Variants in ETNK1 observed in about 807,000 individuals in gnomAD.
ETNK1 encodes the protein putative protein product of Nbla10396.
In ETNK1, 8 loss-of-function variants were observed where a neutral mutation model predicts 45.1. The ratio of observed to expected loss-of-function variants is 0.18; its 90% confidence interval spans 0.10 to 0.32. The LOEUF (loss-of-function observed/expected upper bound fraction) is 0.32. Among genes scored for constraint, ETNK1 ranks in the 10% least tolerant of loss-of-function variants. The pLI, the probability that ETNK1 is intolerant of heterozygous loss-of-function variation, is 1.00. For synonymous variants in ETNK1, 152 were observed against 151.9 expected, an observed-to-expected ratio of 1.00 and a Z score of -0.01; for missense variants, 302 against 430.6, an observed-to-expected ratio of 0.70 and a Z score of 2.64.
rs1274349775 is a variant in ETNK1, at chr12:22,686,821, A to G, written c.*1867A>G. 1 of 150,918 alleles carries G rather than the reference A, an allele frequency of 6.6e-6. No homozygotes were observed. The highest frequency in any genetic ancestry group is 6.6e-5 in the Admixed American group (1 of 15,116). 9.3% of individuals were successfully genotyped at this position (150,918 alleles called of 1,614,324 possible). On this transcript the variant is annotated 3_prime_UTR_variant, in exon 8 of 8. Transcript: ENST00000266517. Reference sequence around the variant, plus strand: ...TTGTCTGTGGTTAGAACATTTTCATAAAACAGATAAAGAATGTGTAATACT... The same window carrying G: ...TTGTCTGTGGTTAGAACATTTTCATGAAACAGATAAAGAATGTGTAATACT...
intron 6 of ETNK1, among the ~76,000 whole-genome samples, chr12:22,676,333 T>G (rs1954161694): frequency 6.6e-6 from 1 of 152,190 alleles, no homozygotes; most frequent in African/African-American, 2.4e-5. Flanking sequence ...GCAAAGGACA[T>G]GAACTCATCG....
chr12:22,683,790 C>G (rs1954235200), intron 6 of ETNK1, among the ~76,000 whole-genome samples: 1 of 152,066 alleles, frequency 6.6e-6, no homozygotes, highest in Non-Finnish European at 1.5e-5. Context: ...ACTGTTTCTA[C>G]TTAGAATATT....
intron 2 of ETNK1, among the ~76,000 whole-genome samples, chr12:22,645,095 G>T (rs1332395185): frequency 1.3e-5 from 2 of 151,808 alleles, no homozygotes; most frequent in African/African-American, 4.8e-5. Context: ...TGTATTAAAA[G>T]ATTCTGATTA....
intron 1 of ETNK1, chr12:22,625,797 A>C (rs1208769246): frequency 1.3e-6 from 1 of 772,752 alleles, no homozygotes; most frequent in Non-Finnish European, 2.2e-6. Flanking sequence ...GACCTGAGGC[A>C]CATTTTCTCT....
chr12:22,647,068 C>G (rs1200032959), intron 2 of ETNK1, among the ~76,000 whole-genome samples: 1 of 151,742 alleles, frequency 6.6e-6, no homozygotes, highest in Non-Finnish European at 1.5e-5. Flanking sequence ...TAGTGCCTGA[C>G]GGGTAATTCC....
chr12:22,629,731 A>C (rs1415791080), intron 1 of ETNK1, among the ~76,000 whole-genome samples: 1 of 152,114 alleles, frequency 6.6e-6, no homozygotes, highest in Non-Finnish European at 1.5e-5. Context: ...GTTACGGCTA[A>C]TTTTTTAATA....
chr12:22,642,251 G>C (rs899855996), intron 1 of ETNK1, among the ~76,000 whole-genome samples: 1 of 152,026 alleles, frequency 6.6e-6, no homozygotes, highest in Non-Finnish European at 1.5e-5. Context: ...TATGACATAT[G>C]AAGAAGTTAC....
At chr12:22,631,529 A>G (rs1451059657) in intron 1 of ETNK1, among the ~76,000 whole-genome samples, 3 of 152,226 alleles carry the variant, frequency 2.0e-5, no homozygotes, top group Non-Finnish European at 4.4e-5. Context: ...GTCTATGTAC[A>G]TATTATATCA....
chr12:22,652,381 A>G (rs1313461601), intron 2 of ETNK1, among the ~76,000 whole-genome samples: 2 of 152,172 alleles, frequency 1.3e-5, no homozygotes, highest in Non-Finnish European at 2.9e-5. Flanking sequence ...CAGAAGTGGA[A>G]TTGCTAGATC....
chr12:22,680,430 C>G (rs16925282), intron 6 of ETNK1, among the ~76,000 whole-genome samples: 3,611 of 152,202 alleles, frequency 0.024, 120 homozygotes, highest in African/African-American at 0.071. Flanking sequence ...GAATGAAATC[C>G]AAATGACAGC....
intron 4 of ETNK1, among the ~76,000 whole-genome samples, chr12:22,664,924 G>A (rs1238493883): frequency 6.6e-6 from 1 of 152,092 alleles, no homozygotes; most frequent in South Asian, 2.1e-4. Flanking sequence ...GTATGTTTCA[G>A]ACCCTTAATT....
chr12:22,640,202 C>T (rs903757765), intron 1 of ETNK1, among the ~76,000 whole-genome samples: 1 of 152,006 alleles, frequency 6.6e-6, no homozygotes, highest in African/African-American at 2.4e-5. Flanking sequence ...ATTAATTTCC[C>T]TAGTATTTAA....
intron 1 of ETNK1, among the ~76,000 whole-genome samples, chr12:22,631,761 G>T (rs1004934395): frequency 1.3e-5 from 2 of 152,036 alleles, no homozygotes; most frequent in African/African-American, 2.4e-5. Flanking sequence ...TTTTTGTAGG[G>T]GAAGGAGTGG....
At chr12:22,642,475 C>T (rs945820029) in intron 1 of ETNK1, among the ~76,000 whole-genome samples, 2 of 151,848 alleles carry the variant, frequency 1.3e-5, no homozygotes, top group African/African-American at 4.8e-5. Flanking sequence ...AAATAAGTCC[C>T]TTTATACTAG....
At position 22,657,676 on chromosome 12, in the gene ETNK1, G is replaced by A. The variant is rs553725990; in HGVS notation, c.417-1338G>A. The stretch of plus-strand genomic sequence containing the variant: ...AGGATTAAGTCTCTGGCTTAGCTTG[G>A]GTAATATGTGCTGAACCAGTCACTG... On this transcript the variant is annotated intron_variant, in intron 2 of 7. Transcript: ENST00000266517. 1.0e-3 allele frequency among the ~76,000 whole-genome samples: 156 copies of A among 152,152 alleles called. 1 individual carries two copies. Among genetic ancestry groups the A allele is most frequent in the Non-Finnish European group, 1.9e-3 (126 of 67,988 alleles).
Position 22,625,567 on chromosome 12 carries a change from C to T in ETNK1, c.137C>T (p.Pro46Leu). 1 of 1,595,814 alleles carries T rather than the reference C, an allele frequency of 6.3e-7. No homozygotes were observed. Among genetic ancestry groups the T allele is most frequent in the Non-Finnish European group, 8.5e-7 (1 of 1,171,518 alleles). ...LLQHLRPHWD[P>L]QEVTLQLFTD... ...CAACACCTGCGGCCTCACTGGGACCCCCAGGAGGTGACCCTGCAGGTAACG... is the reference window on the plus strand; with the variant it reads ...CAACACCTGCGGCCTCACTGGGACCTCCAGGAGGTGACCCTGCAGGTAACG... Residue 46 changes from proline (P) to leucine (L), a missense_variant, in exon 1 of 8, where the codon CCC becomes CTC. Pro to Leu is a moderately conservative substitution (Grantham distance 98, BLOSUM62 -3). Coordinates refer to ENST00000266517, the MANE Select transcript of ETNK1 (RefSeq NM_018638.5).
rs749062164 is a variant in ETNK1, at chr12:22,625,424, C to T, written c.-7C>T. 2 of 1,578,262 alleles carry T rather than the reference C, an allele frequency of 1.3e-6. No homozygotes were observed. Among genetic ancestry groups the T allele is most frequent in the Non-Finnish European group, 8.6e-7 (1 of 1,163,976 alleles). On this transcript the variant is annotated 5_prime_UTR_variant, in exon 1 of 8. Coordinates refer to ENST00000266517, the MANE Select transcript of ETNK1 (RefSeq NM_018638.5). Reference sequence around the variant, plus strand: ...TCGTGGTGGTAGTCTCCGCCGTCGCCTGGGCCATGGCCAATTACATCCACG... The same window carrying T: ...TCGTGGTGGTAGTCTCCGCCGTCGCTTGGGCCATGGCCAATTACATCCACG...
At chr12:22,653,702 G>A (rs572716959) in intron 2 of ETNK1, among the ~76,000 whole-genome samples, 1 of 152,104 alleles carries the variant, frequency 6.6e-6, no homozygotes, top group Non-Finnish European at 1.5e-5. Flanking sequence ...TTGATTTTCT[G>A]TTCTGCAACT....
At chr12:22,679,098 G>C (rs1954188864) in intron 6 of ETNK1, among the ~76,000 whole-genome samples, 1 of 152,160 alleles carries the variant, frequency 6.6e-6, no homozygotes, top group Non-Finnish European at 1.5e-5. Context: ...AGGGAGAATT[G>C]GCTCACCTGA....
Sources: gnomAD v4.1 joint callset for allele counts (sites outside exome capture counted in the v4.1 genomes callset) on GRCh38, gnomAD v4.1.1 for gene constraint, MANE v1.5 for transcripts, NCBI Gene and HGNC (gene_info 2026-07-23, HGNC 2026-07-21) for gene names.